ITSN1: variants seen among roughly 807,000 people sequenced by gnomAD.
ITSN1 encodes intersectin-1.
Under a neutral mutation model 239.8 loss-of-function variants are expected in ITSN1, and 58 were observed. The observed-to-expected ratio is 0.24, with a 90% CI of 0.20 to 0.30. The LOEUF (loss-of-function observed/expected upper bound fraction) is 0.30. Ranked by LOEUF, ITSN1 falls within the 10% of genes least tolerant of loss-of-function variation. The pLI, the probability that ITSN1 is intolerant of heterozygous loss-of-function variation, is 1.00. For missense variants in ITSN1, 1,558 were observed against 2,103.3 expected (o/e 0.74, Z 5.07); for synonymous variants, 780 against 770.8 (o/e 1.01, Z -0.20).
At chr21:33,842,528 G>GTA (rs2074860357) in intron 29 of ITSN1, among the ~76,000 whole-genome samples, 1 of 148,604 alleles carries the variant, frequency 6.7e-6, no homozygotes, top group African/African-American at 2.5e-5. Context: ...GTGTGTGTGT[G>GTA]TGACAGGCAG....
chr21:33,752,612 G>A (rs549471823), intron 7 of ITSN1, among the ~76,000 whole-genome samples: 1 of 152,268 alleles, frequency 6.6e-6, no homozygotes, highest in African/African-American at 2.4e-5. Context: ...TGGGCCGGGT[G>A]TGGTGGCTCA....
intron 1 of ITSN1, among the ~76,000 whole-genome samples, chr21:33,662,325 A>G (rs578231492): frequency 6.6e-6 from 1 of 152,264 alleles, no homozygotes; most frequent in South Asian, 2.1e-4. Context: ...TCTATTTTCT[A>G]GGGACCTCTG....
intron 11 of ITSN1, among the ~76,000 whole-genome samples, chr21:33,769,028 A>G (rs1252244353): frequency 6.6e-6 from 1 of 152,214 alleles, no homozygotes; most frequent in African/African-American, 2.4e-5. Context: ...AACAGACCTC[A>G]CTTATGGTTG....
At chr21:33,728,344 T>G (rs531093046) in intron 4 of ITSN1, among the ~76,000 whole-genome samples, 1 of 152,286 alleles carries the variant, frequency 6.6e-6, no homozygotes, top group African/African-American at 2.4e-5. Context: ...GTGATTCTCC[T>G]GCCTCAGCCT....
intron 28 of ITSN1, 117 bp downstream of exon 28, chr21:33,834,541 T>TG: frequency 1.4e-6 from 1 of 738,880 alleles, no homozygotes; most frequent in Non-Finnish European, 2.4e-6. Context: ...AAGCACTTCC[T>TG]GTACTTGCTG....
chr21:33,820,819 A>C (rs954924180), intron 24 of ITSN1, among the ~76,000 whole-genome samples: 3 of 152,170 alleles, frequency 2.0e-5, no homozygotes, highest in Admixed American at 6.6e-5. Context: ...ACATGCAGTC[A>C]GTTTAGTAAA....
At chr21:33,831,248 A>G (rs955815920) in intron 27 of ITSN1, among the ~76,000 whole-genome samples, 1 of 152,128 alleles carries the variant, frequency 6.6e-6, no homozygotes, top group Non-Finnish European at 1.5e-5. Flanking sequence ...GCTTGCCCAC[A>G]TGGGGCCTAT....
In ITSN1 at chr21:33,766,028, T is replaced by A; in HGVS notation, c.926+16T>A. 1.9e-6 allele frequency: 3 copies of A among 1,613,944 alleles called. No individual in the cohort carries two copies. The highest frequency in any genetic ancestry group is 2.5e-6 in the Non-Finnish European group (3 of 1,179,868). Reference sequence around the variant, plus strand: ...CTTCTTTTAGGTAAGGAACATGGGCTCTGATCAGGAATTGTATGCGGAGTA... The same window carrying A: ...CTTCTTTTAGGTAAGGAACATGGGCACTGATCAGGAATTGTATGCGGAGTA... On this transcript the variant is annotated intron_variant, in intron 10 of 39. Coordinates refer to ENST00000381318, the MANE Select transcript of ITSN1 (RefSeq NM_003024.3).
At chr21:33,853,409 T>G (rs1978701857) in intron 29 of ITSN1, among the ~76,000 whole-genome samples, 1 of 152,222 alleles carries the variant, frequency 6.6e-6, no homozygotes, top group African/African-American at 2.4e-5. Context: ...TGTCCCCAAC[T>G]GGCCCCAGGC....
chr21:33,644,506 T>C (rs546183359), intron 1 of ITSN1, among the ~76,000 whole-genome samples: 1 of 152,298 alleles, frequency 6.6e-6, no homozygotes, highest in African/African-American at 2.4e-5. Flanking sequence ...CAAAACTCTT[T>C]TATTATTCTG....
intron 34 of ITSN1, 68 bp downstream of exon 34, chr21:33,875,589 C>A: frequency 6.8e-7 from 1 of 1,468,428 alleles, no homozygotes; most frequent in Non-Finnish European, 9.3e-7. Flanking sequence ...TGGAGGAGGA[C>A]AAAGAAAAGC....
intron 20 of ITSN1, among the ~76,000 whole-genome samples, chr21:33,808,056 G>A (rs1471864634): frequency 2.6e-5 from 4 of 151,748 alleles, no homozygotes; most frequent in African/African-American, 9.7e-5. Context: ...GCGCGGTGGC[G>A]GGCGCCTGTA....
chr21:33,784,310 AACACACACACACACACACACACACACAC>A (rs58496273), intron 16 of ITSN1, among the ~76,000 whole-genome samples: 1 of 134,108 alleles, frequency 7.5e-6, no homozygotes, highest in East Asian at 2.2e-4. Flanking sequence ...GTCTCTACAA[AACACACACACACACACACACACACACAC>A]ACACACACAC....
intron 36 of ITSN1, among the ~76,000 whole-genome samples, chr21:33,884,209 A>G (rs558562634): frequency 6.6e-6 from 1 of 151,910 alleles, no homozygotes; most frequent in South Asian, 2.1e-4. Flanking sequence ...TGCACCTGGC[A>G]TTGTTGTTGT....
intron 22 of ITSN1, chr21:33,817,845 C>T: frequency 5.8e-6 from 2 of 345,746 alleles, no homozygotes; most frequent in Non-Finnish European, 5.3e-6. Context: ...AGTTAATGAT[C>T]TCATGATAGT....
In ITSN1 at chr21:33,865,130, A is replaced by G; in HGVS notation, c.3891-21A>G. ...CAGATAGCGTGAAAGCAGGGGGCTCACCTCCCGTGTTTCCGTGCAGAGCGC... is the reference window on the plus strand; with the variant it reads ...CAGATAGCGTGAAAGCAGGGGGCTCGCCTCCCGTGTTTCCGTGCAGAGCGC... On this transcript the variant is annotated intron_variant, in intron 31 of 39. Coordinates refer to ENST00000381318, the MANE Select transcript of ITSN1 (RefSeq NM_003024.3). The surrounding 1 kb of genome is among the most constrained non-coding windows in gnomAD (Gnocchi z 4.4). 1 of 1,600,582 alleles carries G rather than the reference A, an allele frequency of 6.2e-7. No homozygotes were observed. Among genetic ancestry groups the G allele is most frequent in the South Asian group, 1.1e-5 (1 of 88,772 alleles).
At chr21:33,806,370 C>T (rs918624221) in intron 20 of ITSN1, among the ~76,000 whole-genome samples, 1 of 152,212 alleles carries the variant, frequency 6.6e-6, no homozygotes, top group Non-Finnish European at 1.5e-5. Flanking sequence ...AACCTGTTTG[C>T]TACACTTGTT....
chr21:33,660,415 T>C lies in ITSN1; in HGVS notation c.-33+17702T>C, dbSNP rs1196509500. ...CAGATTAGAAATTAAAACCAAGAAA[T>C]TTACACTTAAAATAGCTGTAATAAA... On this transcript the variant is annotated intron_variant, in intron 1 of 39. Transcript: ENST00000381318. Among the ~76,000 whole-genome samples the C allele has an allele frequency of 3.3e-5, 5 of 152,132 alleles. No individual in the cohort carries two copies. In the South Asian group the frequency reaches 8.3e-4, roughly 25 times the overall value.
chr21:33,734,352 TG>T (rs2066367154), intron 4 of ITSN1, among the ~76,000 whole-genome samples: 2 of 152,214 alleles, frequency 1.3e-5, no homozygotes, highest in African/African-American at 4.8e-5. Flanking sequence ...AGTTTGCACT[TG>T]GACCGTGTAT....
Sources: allele counts gnomAD v4.1 joint callset (sites outside exome capture counted in the v4.1 genomes callset), GRCh38; gene constraint gnomAD v4.1.1; non-coding constraint Gnocchi (gnomAD v3.1); transcripts MANE v1.5; gene names NCBI Gene and HGNC (gene_info 2026-07-23, HGNC 2026-07-21).